Variants in PSTPIP2 observed in about 807,000 individuals in gnomAD.
PSTPIP2 encodes the protein proline-serine-threonine phosphatase-interacting protein 2.
In PSTPIP2, 33 loss-of-function variants were observed where a neutral mutation model predicts 63.3. The ratio of observed to expected loss-of-function variants is 0.52; its 90% CI spans 0.40 to 0.70. PSTPIP2 has a LOEUF of 0.70. PSTPIP2 is among the 30% of genes least tolerant of loss of function. The probability of loss-of-function intolerance (pLI) is 0.00; values close to 1 mark genes in which losing one functional copy is unlikely to be tolerated. For missense variants in PSTPIP2, 312 were observed against 400.7 expected, an observed-to-expected ratio of 0.78 and a Z score of 1.89; for synonymous variants, 125 against 132.7, an observed-to-expected ratio of 0.94 and a Z score of 0.40.
chr18:45,986,976 T>G (rs2051474215), intron 14 of PSTPIP2, among the ~76,000 whole-genome samples: 1 of 152,134 alleles, frequency 6.6e-6, no homozygotes, highest in Admixed American at 6.5e-5. Flanking sequence ...TAGCTGGGGC[T>G]ACAGGTGCCT....
At chr18:46,015,074 C>A (rs761381062) in intron 4 of PSTPIP2, among the ~76,000 whole-genome samples, 2 of 152,094 alleles carry the variant, frequency 1.3e-5, no homozygotes, top group Non-Finnish European at 2.9e-5. Context: ...GAAAGAAATG[C>A]ACCACAGTGC....
chr18:46,069,923 C>A (rs1909330532), intron 1 of PSTPIP2, among the ~76,000 whole-genome samples: 1 of 152,184 alleles, frequency 6.6e-6, no homozygotes, highest in Admixed American at 6.6e-5. Flanking sequence ...TCACTCACTT[C>A]TTTTACTTGT....
intron 4 of PSTPIP2, among the ~76,000 whole-genome samples, chr18:46,012,461 T>C (rs1005302247): frequency 1.3e-5 from 2 of 152,220 alleles, no homozygotes; most frequent in Non-Finnish European, 2.9e-5. Context: ...CACGTCTATA[T>C]GCATATGTGC....
intron 1 of PSTPIP2, among the ~76,000 whole-genome samples, chr18:46,064,747 G>A (rs1185608513): frequency 6.6e-6 from 1 of 152,096 alleles, no homozygotes; most frequent in African/African-American, 2.4e-5. Context: ...ATAGTAAAAT[G>A]GCTGGGCAAT....
At position 45,997,752 on chromosome 18, in the gene PSTPIP2, G is replaced by A. The variant is rs138987468; in HGVS notation, c.639C>T (p.Cys213=). 1.7e-3 allele frequency: 2,586 copies of A among 1,524,430 alleles called. 2 individuals are homozygous for A. The highest frequency in any genetic ancestry group is 2.0e-3 in the Non-Finnish European group (2,317 of 1,137,458). 94.4% of individuals were successfully genotyped at this position (1,524,430 alleles called of 1,614,324 possible). A position where few individuals can be genotyped will look rare whatever the true frequency, so the allele number is the denominator to read the frequency against. Residue 213 remains cysteine, a synonymous_variant, in exon 9 of 15, where the codon TGC becomes TGT. Coordinates refer to ENST00000409746, the MANE Select transcript of PSTPIP2 (RefSeq NM_024430.4). ...EEWQSEHIKA[C]EAFEAQECER... ...AGCAGCTTCCGGTTACGGGTACCTC[G>A]CAGGCCTTGATGTGCTCACTCTGCC... is the stretch of plus-strand genomic sequence containing the variant.
chr18:46,063,076 C>T (rs374695753), intron 1 of PSTPIP2, among the ~76,000 whole-genome samples: 11 of 152,170 alleles, frequency 7.2e-5, no homozygotes, highest in African/African-American at 2.2e-4. Flanking sequence ...AATCACGGCT[C>T]GCTGCAGCTT....
At chr18:46,062,506 A>G (rs549822304) in intron 1 of PSTPIP2, among the ~76,000 whole-genome samples, 10 of 135,200 alleles carry the variant, frequency 7.4e-5, no homozygotes, top group African/African-American at 2.7e-4. Context: ...GAAAAAGAAA[A>G]AGAAACTTGC....
intron 9 of PSTPIP2, among the ~76,000 whole-genome samples, chr18:45,997,343 C>A (rs2144066216): frequency 6.6e-6 from 1 of 152,158 alleles, no homozygotes; most frequent in African/African-American, 2.4e-5. Flanking sequence ...TGTGCGCCAC[C>A]ACACCCGGCT....
chr18:46,002,672 T>A (rs2144072623), intron 6 of PSTPIP2, among the ~76,000 whole-genome samples: 1 of 152,338 alleles, frequency 6.6e-6, no homozygotes, highest in Admixed American at 6.5e-5. Context: ...GTTTCAAGTG[T>A]GAATCAGGTG....
intron 1 of PSTPIP2, among the ~76,000 whole-genome samples, chr18:46,054,929 A>AT (rs1908707049): frequency 6.6e-6 from 1 of 152,062 alleles, no homozygotes; most frequent in Non-Finnish European, 1.5e-5. Flanking sequence ...AAACCTACTA[A>AT]TTTTTAAAAA....
rs550922555 is a variant in PSTPIP2, at chr18:46,039,517, C to T, written c.134+430G>A. ...CCACCTCACCCTCTGAGGGCCACCA[C>T]AAGGACCTACTCCTCCATGAAGCCA... On this transcript the variant is annotated intron_variant, in intron 2 of 14. Coordinates refer to ENST00000409746, the MANE Select transcript of PSTPIP2 (RefSeq NM_024430.4). Among the ~76,000 whole-genome samples, 3 of 152,252 alleles carry T rather than the reference C, an allele frequency of 2.0e-5. No homozygotes were observed. The East Asian group carries it at 5.8e-4, about 29-fold the overall frequency.
At chr18:46,052,556 T>C (rs1256590184) in intron 1 of PSTPIP2, among the ~76,000 whole-genome samples, 1 of 136,748 alleles carries the variant, frequency 7.3e-6, no homozygotes, top group African/African-American at 2.6e-5. Context: ...AGAAAATGTT[T>C]AATGTTAATT....
At chr18:45,989,274 T>C (rs4081459) in intron 13 of PSTPIP2, among the ~76,000 whole-genome samples, 36,615 of 152,042 alleles carry the variant, frequency 0.24, 6,299 homozygotes, top group African/African-American at 0.47. Context: ...GGGAAGGACC[T>C]AGTGGGAGAT....
intron 1 of PSTPIP2, among the ~76,000 whole-genome samples, chr18:46,040,790 G>A (rs1396555262): frequency 2.0e-5 from 3 of 152,080 alleles, no homozygotes; most frequent in Non-Finnish European, 4.4e-5. Context: ...GAGACTGAAG[G>A]GCCACAAAAC....
intron 1 of PSTPIP2, among the ~76,000 whole-genome samples, chr18:46,053,165 T>C (rs955418983): frequency 2.0e-5 from 3 of 152,202 alleles, no homozygotes; most frequent in African/African-American, 4.8e-5. Flanking sequence ...ATCCTTGAAA[T>C]ATGTGACTCT....
intron 5 of PSTPIP2, among the ~76,000 whole-genome samples, chr18:46,008,321 T>C (rs2051754379): frequency 1.3e-5 from 2 of 152,090 alleles, no homozygotes; most frequent in African/African-American, 4.8e-5. Flanking sequence ...TTTTTATTTT[T>C]ATTTTTTGTT....
intron 14 of PSTPIP2, among the ~76,000 whole-genome samples, chr18:45,987,501 G>C (rs938594092): frequency 1.4e-4 from 15 of 103,658 alleles, no homozygotes; most frequent in Admixed American, 2.1e-4. Context: ...CAGAAGTGTA[G>C]CTCAGTCCAC....
rs549289333 is a variant in PSTPIP2, at chr18:46,010,784, G to T, written c.354+397C>A. The T allele has an allele frequency of 1.1e-3, 201 of 179,754 alleles. 1 individual carries two copies. The highest frequency in any genetic ancestry group is 1.9e-3 in the Non-Finnish European group (161 of 83,010). The allele number at this position is 179,754 out of a possible 1,614,324, so 11.1% of individuals were successfully genotyped here. On this transcript the variant is annotated intron_variant, in intron 5 of 14. Coordinates refer to ENST00000409746, the MANE Select transcript of PSTPIP2 (RefSeq NM_024430.4). The stretch of plus-strand genomic sequence containing the variant: ...TGGACTACATTATGGTCTTCAGGGG[G>T]AGCGGGAGTCTCTTCCACTACTTCT...
At chr18:46,031,043 G>T (rs911732364) in intron 2 of PSTPIP2, among the ~76,000 whole-genome samples, 1 of 152,132 alleles carries the variant, frequency 6.6e-6, no homozygotes. Flanking sequence ...AGAGTTTCCT[G>T]GTTCATAGTG....
Sources: allele counts gnomAD v4.1 joint callset (sites outside exome capture counted in the v4.1 genomes callset), GRCh38; gene constraint gnomAD v4.1.1; transcripts MANE v1.5; gene names NCBI Gene and HGNC (gene_info 2026-07-23, HGNC 2026-07-21).